Variants in SLC7A7 observed in about 807,000 individuals in gnomAD.
SLC7A7 encodes Y+L amino acid transporter 1.
SLC7A7 carries 39 observed loss-of-function variants against 47.9 expected under a neutral mutation model. That is an observed-to-expected ratio of 0.81 (90% CI 0.63 to 1.06). SLC7A7 has a LOEUF of 1.06. Ranked by LOEUF, SLC7A7 falls within the 50% of genes least tolerant of loss-of-function variation. The pLI, the probability that SLC7A7 is intolerant of heterozygous loss-of-function variation, is 0.00. For missense variants in SLC7A7, 588 were observed against 632.0 expected, an observed-to-expected ratio of 0.93 and a Z score of 0.75; for synonymous variants, 234 against 242.8, an observed-to-expected ratio of 0.96 and a Z score of 0.34.
Position 22,774,372 on chromosome 14 carries a change from A to T in SLC7A7, c.1227T>A (p.Asp409Glu). ...GQLYLRWKEPDRPRPLKLSVF... is the reference protein window; with the variant it reads ...GQLYLRWKEPERPRPLKLSVF... The stretch of plus-strand genomic sequence containing the variant: ...GCCTTACCTTGAGGGGACGAGGTCG[A>T]TCAGGCTCCTTCCAGCGCAGATAAA... The change falls in exon 8 of 10, where the codon GAT becomes GAA. Residue 409 changes from aspartate to glutamate, a missense_variant. Coordinates refer to ENST00000674313, the MANE Select transcript of SLC7A7 (RefSeq NM_003982.4). 6.2e-7 allele frequency: 1 copy of T among 1,614,174 alleles called. No homozygotes were observed. The highest frequency in any genetic ancestry group is 8.5e-7 in the Non-Finnish European group (1 of 1,180,028).
intron 2 of SLC7A7, among the ~76,000 whole-genome samples, chr14:22,810,815 T>A (rs1451866315): frequency 6.6e-6 from 1 of 152,050 alleles, no homozygotes; most frequent in Non-Finnish European, 1.5e-5. Context: ...CTGTCTCTAA[T>A]AAAAATACAA....
At chr14:22,784,629 G>A (rs190146491) in intron 2 of SLC7A7, among the ~76,000 whole-genome samples, 1 of 150,706 alleles carries the variant, frequency 6.6e-6, no homozygotes, top group African/African-American at 2.4e-5. Flanking sequence ...AAAAAAAAAA[G>A]AGAAGTCACT....
chr14:22,780,838 A>G (rs1238266548), intron 2 of SLC7A7, among the ~76,000 whole-genome samples: 2 of 152,212 alleles, frequency 1.3e-5, no homozygotes, highest in Non-Finnish European at 1.5e-5. Flanking sequence ...AAAAAGTTTC[A>G]TATCTTTTCT....
intron 2 of SLC7A7, among the ~76,000 whole-genome samples, chr14:22,810,949 G>A (rs1264882313): frequency 2.0e-5 from 3 of 152,134 alleles, no homozygotes; most frequent in African/African-American, 7.2e-5. Context: ...TTGCACTCCA[G>A]CCTGGGCAAC....
chr14:22,785,891 A>G (rs7140363), intron 2 of SLC7A7, among the ~76,000 whole-genome samples: 150,773 of 151,864 alleles, frequency 0.99, 74,849 homozygotes, highest in Middle Eastern at 1. Flanking sequence ...GTGTGGTGGC[A>G]GGCGCCTATA....
intron 6 of SLC7A7, 78 bp from the exon 7 acceptor site, chr14:22,775,618 CCT>C (rs1187058573): frequency 1.7e-6 from 2 of 1,199,298 alleles, no homozygotes; most frequent in Non-Finnish European, 2.5e-6. Flanking sequence ...CATGGCCCTC[CCT>C]CTCTGCCATC....
chr14:22,801,187 T>C (rs6572770), intron 2 of SLC7A7, among the ~76,000 whole-genome samples: 115,984 of 152,050 alleles, frequency 0.76, 45,521 homozygotes, highest in Non-Finnish European at 0.86. Context: ...GAACAACCTA[T>C]GCCTTGACTC....
At chr14:22,809,529 G>A (rs978983193) in intron 2 of SLC7A7, among the ~76,000 whole-genome samples, 1 of 152,060 alleles carries the variant, frequency 6.6e-6, no homozygotes, top group East Asian at 1.9e-4. Context: ...TTTTCATAGA[G>A]ACGGGGTTTC....
chr14:22,805,914 G>A (rs1205383773), intron 2 of SLC7A7, among the ~76,000 whole-genome samples: 4 of 151,686 alleles, frequency 2.6e-5, no homozygotes, highest in South Asian at 2.1e-4. Flanking sequence ...AGGCTGAGGC[G>A]GGCAGATCAC....
At chr14:22,815,786 T>C (rs2039399180), upstream of SLC7A7, 1 of 420,912 alleles carries the variant, frequency 2.4e-6, no homozygotes, top group Non-Finnish European at 4.8e-6. Flanking sequence ...GCACTCTCTC[T>C]CTCTGTGTCC....
chr14:22,810,058 AAAAAAGC>A (rs1276369812), intron 2 of SLC7A7, among the ~76,000 whole-genome samples: 1 of 150,632 alleles, frequency 6.6e-6, no homozygotes, highest in Admixed American at 6.6e-5. Context: ...AAAAAAAAAA[AAAAAAGC>A]AGCAACAGCA....
At position 22,790,805 on chromosome 14, in the gene SLC7A7, C is replaced by G. The variant is rs567589626; in HGVS notation, c.500-10754G>C. Among the ~76,000 whole-genome samples, 26 of 152,146 alleles carry G rather than the reference C, an allele frequency of 1.7e-4. No homozygotes were observed. In the East Asian group the frequency reaches 4.8e-3, roughly 28 times the overall value. ...ACGAGTTCAAGAGATTGAGACCATCCTGGCCAACATGGTGAAACCCCGTCT... is the reference window on the plus strand; with the variant it reads ...ACGAGTTCAAGAGATTGAGACCATCGTGGCCAACATGGTGAAACCCCGTCT... On this transcript the variant is annotated intron_variant, in intron 2 of 9. Transcript: ENST00000674313.
At chr14:22,804,709 ACAGT>A (rs1357232040) in intron 2 of SLC7A7, among the ~76,000 whole-genome samples, 1 of 152,138 alleles carries the variant, frequency 6.6e-6, no homozygotes, top group East Asian at 1.9e-4. Context: ...AAGTCAAGAA[ACAGT>A]CAGGCATGGT....
At chr14:22,809,529 G>T (rs978983193) in intron 2 of SLC7A7, among the ~76,000 whole-genome samples, 10 of 152,060 alleles carry the variant, frequency 6.6e-5, no homozygotes, top group African/African-American at 2.2e-4. Flanking sequence ...TTTTCATAGA[G>T]ACGGGGTTTC....
At chr14:22,801,120 T>C (rs1377531322) in intron 2 of SLC7A7, among the ~76,000 whole-genome samples, 1 of 152,132 alleles carries the variant, frequency 6.6e-6, no homozygotes, top group Non-Finnish European at 1.5e-5. Context: ...TTTAAGACAC[T>C]ACGTTTTAGA....
chr14:22,814,202 G>A lies in SLC7A7; in HGVS notation c.-42-762C>T, dbSNP rs1280572103. On this transcript the variant is annotated intron_variant, in intron 1 of 9. Transcript: ENST00000674313. ...TCACCAAATAGAGAACTAAATCTTGGGCCGGGCGCTGTGGCTCACATCTGT... is the reference window on the plus strand; with the variant it reads ...TCACCAAATAGAGAACTAAATCTTGAGCCGGGCGCTGTGGCTCACATCTGT... 2.0e-5 allele frequency among the ~76,000 whole-genome samples: 3 copies of A among 151,792 alleles called. 1 individual carries two copies. The highest frequency in any genetic ancestry group is 4.4e-5 in the Non-Finnish European group (3 of 67,956).
At chr14:22,802,806 A>C (rs1464829484) in intron 2 of SLC7A7, among the ~76,000 whole-genome samples, 1 of 152,122 alleles carries the variant, frequency 6.6e-6, no homozygotes, top group African/African-American at 2.4e-5. Flanking sequence ...ATATGCTTTG[A>C]ATAAATTCTA....
chr14:22,812,986 G>C lies in SLC7A7; in HGVS notation c.413C>G (p.Thr138Ser). The C allele has an allele frequency of 6.2e-7, 1 of 1,614,018 alleles. No homozygotes were observed. Among genetic ancestry groups the C allele is most frequent in the Non-Finnish European group, 8.5e-7 (1 of 1,180,008 alleles). The change falls in exon 2 of 10, where the codon ACC (threonine) becomes AGC (serine). Residue 138 changes from threonine to serine, a missense_variant. By Grantham distance (58) the Thr-to-Ser change is moderately conservative. Transcript: ENST00000674313. ...AGGCTGTACCATGTAGTTGGCAAAG[G>C]TGATGGCAATGATGGCCTGGCTGGT... ...EPTSQAIIAI[T>S]FANYMVQPLF...
intron 4 of SLC7A7, 93 bp downstream of exon 4, chr14:22,778,700 T>G: frequency 7.2e-7 from 1 of 1,383,024 alleles, no homozygotes; most frequent in Non-Finnish European, 1.0e-6. Flanking sequence ...AAAATTAACC[T>G]CATAGTGGTT....
Sources: gnomAD v4.1 joint callset for allele counts (sites outside exome capture counted in the v4.1 genomes callset) on GRCh38, gnomAD v4.1.1 for gene constraint, MANE v1.5 for transcripts, NCBI Gene and HGNC (gene_info 2026-07-23, HGNC 2026-07-21) for gene names.